Variants in NIBAN1 observed in about 807,000 individuals in gnomAD.
The protein encoded by NIBAN1 is niban apoptosis regulator 1.
NIBAN1 carries 81 observed loss-of-function variants against 75.1 expected under a neutral mutation model. That is an observed-to-expected ratio of 1.08 (90% CI 0.90 to 1.30). NIBAN1 has a LOEUF of 1.30. NIBAN1 is among the 50% of genes most tolerant of loss of function. The probability of loss-of-function intolerance (pLI) is 0.00; values close to 1 mark genes in which losing one functional copy is unlikely to be tolerated. For missense variants in NIBAN1, 1,133 were observed against 1,128.1 expected, an observed-to-expected ratio of 1.00 and a Z score of -0.06; for synonymous variants, 436 against 424.8, an observed-to-expected ratio of 1.03 and a Z score of -0.32.
rs76293029 is a variant in NIBAN1 at position 184,855,285 on chromosome 1, G to A, written c.602-23323C>T. Among the ~76,000 whole-genome samples, 578 of 152,226 alleles carry A rather than the reference G, an allele frequency of 3.8e-3. 5 individuals are homozygous for A. The highest frequency in any genetic ancestry group is 6.8e-3 in the Middle Eastern group (2 of 294). ...TGTTTATTAAATAGTGTGGGTTTAC[G>A]TTACAATCAAGAACATTTCTACAGG... On this transcript the variant is annotated intron_variant, in intron 5 of 13. Coordinates refer to ENST00000367511, the MANE Select transcript of NIBAN1 (RefSeq NM_052966.4).
chr1:184,826,764 A>C (rs537302802), intron 6 of NIBAN1, among the ~76,000 whole-genome samples: 1 of 152,218 alleles, frequency 6.6e-6, no homozygotes. Context: ...TTTCCCACAC[A>C]ATGTTCCAAG....
At chr1:184,857,285 T>C (rs1282929366) in intron 5 of NIBAN1, among the ~76,000 whole-genome samples, 1 of 152,198 alleles carries the variant, frequency 6.6e-6, no homozygotes, top group Middle Eastern at 3.2e-3. Context: ...TGGTGAGTTC[T>C]CTAGCTTCCA....
intron 1 of NIBAN1, among the ~76,000 whole-genome samples, chr1:184,968,674 T>C (rs1255715751): frequency 6.6e-6 from 1 of 152,220 alleles, no homozygotes; most frequent in Admixed American, 6.5e-5. Flanking sequence ...AGGCAGCATT[T>C]AGTATACTGG....
chr1:184,795,836 G>T lies in NIBAN1; in HGVS notation c.1928C>A (p.Pro643His). ...SLAKGESLSLPGPSPPPDGTE... is the reference protein window; with the variant it reads ...SLAKGESLSLHGPSPPPDGTE... ...CCCATCTGGGGGTGGGCTTGGCCCAGGGAGAGAAAGGCTTTCTCCTTTGGC... is the reference window on the plus strand; with the variant it reads ...CCCATCTGGGGGTGGGCTTGGCCCATGGAGAGAAAGGCTTTCTCCTTTGGC... The change falls in exon 14 of 14, where the codon CCT becomes CAT. Residue 643 changes from proline (P) to histidine (H), a missense_variant. Transcript: ENST00000367511. 1 of 1,609,722 alleles carries T rather than the reference G, an allele frequency of 6.2e-7. No individual in the cohort carries two copies. The highest frequency in any genetic ancestry group is 8.5e-7 in the Non-Finnish European group (1 of 1,177,494).
intron 9 of NIBAN1, among the ~76,000 whole-genome samples, chr1:184,814,739 CT>C (rs1191066694): frequency 6.6e-6 from 1 of 152,190 alleles, no homozygotes; most frequent in South Asian, 2.1e-4. Flanking sequence ...TCAGCCAATA[CT>C]GAAATTGTTT....
chr1:184,808,154 G>T lies in NIBAN1; in HGVS notation c.1255C>A (p.Arg419Ser). 6.2e-7 allele frequency: 1 copy of T among 1,614,004 alleles called. No individual in the cohort carries two copies. Among genetic ancestry groups the T allele is most frequent in the South Asian group, 1.1e-5 (1 of 91,070 alleles). ...CYTKVNLLHE[R>S]LQDLKSRFRF... ...AAGCGGCTCTTGAGATCCTGCAGGC[G>T]CTCGTGAAGCAGGTTGACTTTAGTA... Residue 419 changes from arginine to serine, a missense_variant, in exon 10 of 14, where the codon CGC becomes AGC. By Grantham distance (110) the Arg-to-Ser change is moderately radical. Coordinates refer to ENST00000367511, the MANE Select transcript of NIBAN1 (RefSeq NM_052966.4).
At chr1:184,835,254 T>C (rs932106761) in intron 5 of NIBAN1, among the ~76,000 whole-genome samples, 1 of 152,232 alleles carries the variant, frequency 6.6e-6, no homozygotes, top group Non-Finnish European at 1.5e-5. Context: ...ACCCTTGTAG[T>C]ATAGTTTGAA....
At chr1:184,881,969 G>A (rs1656390875) in intron 5 of NIBAN1, among the ~76,000 whole-genome samples, 1 of 152,140 alleles carries the variant, frequency 6.6e-6, no homozygotes, top group Non-Finnish European at 1.5e-5. Context: ...GTAAGTTTCA[G>A]CCTCATTTCC....
chr1:184,915,391 G>A (rs1657358183), intron 1 of NIBAN1, among the ~76,000 whole-genome samples: 1 of 152,216 alleles, frequency 6.6e-6, no homozygotes, highest in African/African-American at 2.4e-5. Context: ...AATCGCAGAG[G>A]GAGAAGGCTC....
At chr1:184,860,794 A>T (rs889414208) in intron 5 of NIBAN1, among the ~76,000 whole-genome samples, 2 of 152,208 alleles carry the variant, frequency 1.3e-5, no homozygotes, top group African/African-American at 4.8e-5. Context: ...GCTTACAAAC[A>T]CCACACCATA....
intron 1 of NIBAN1, among the ~76,000 whole-genome samples, chr1:184,962,988 G>T (rs2102082744): frequency 6.6e-6 from 1 of 151,936 alleles, no homozygotes; most frequent in Middle Eastern, 3.4e-3. Flanking sequence ...TGACATATTA[G>T]AATATCACCA....
At chr1:184,928,686 G>A (rs947944595) in intron 1 of NIBAN1, among the ~76,000 whole-genome samples, 5 of 152,106 alleles carry the variant, frequency 3.3e-5, no homozygotes, top group African/African-American at 9.7e-5. Context: ...TGTGCCATGC[G>A]ACCACTGCCA....
Position 184,793,148 on chromosome 1 carries a change from A to C in NIBAN1, c.*1829T>G, listed in dbSNP as rs1443112997. 2 of 152,194 alleles carry C rather than the reference A, an allele frequency of 1.3e-5. No homozygotes were observed. The highest frequency in any genetic ancestry group is 2.4e-5 in the African/African-American group (1 of 41,426). 9.4% of individuals were successfully genotyped at this position (152,194 alleles called of 1,614,324 possible). ...GGAGGGCTGAAAAGGGTGATATTTT[A>C]ATTTCTGGTTAAATGGTTGAACTGT... On this transcript the variant is annotated 3_prime_UTR_variant, in exon 14 of 14. Coordinates refer to ENST00000367511, the MANE Select transcript of NIBAN1 (RefSeq NM_052966.4).
At chr1:184,938,018 C>T (rs1658005020) in intron 1 of NIBAN1, among the ~76,000 whole-genome samples, 1 of 151,994 alleles carries the variant, frequency 6.6e-6, no homozygotes, top group Admixed American at 6.6e-5. Flanking sequence ...GCTAAGGAGG[C>T]AAAGGATGAG....
intron 3 of NIBAN1, among the ~76,000 whole-genome samples, chr1:184,891,869 T>G (rs1267155094): frequency 6.6e-6 from 1 of 152,140 alleles, no homozygotes; most frequent in East Asian, 1.9e-4. Flanking sequence ...TTCAAGAAAT[T>G]ATGACAAACT....
chr1:184,955,048 T>C (rs1051094316), intron 1 of NIBAN1, among the ~76,000 whole-genome samples: 8 of 152,194 alleles, frequency 5.3e-5, no homozygotes, highest in African/African-American at 1.9e-4. Flanking sequence ...AGTTTTAATA[T>C]ATGTTATTTA....
At chr1:184,815,824 C>T (rs1005002252) in intron 9 of NIBAN1, among the ~76,000 whole-genome samples, 1 of 152,206 alleles carries the variant, frequency 6.6e-6, no homozygotes, top group Admixed American at 6.5e-5. Flanking sequence ...GAGGCCTTCA[C>T]TCTTCTAGAA....
At chr1:184,859,668 G>C (rs976425845) in intron 5 of NIBAN1, among the ~76,000 whole-genome samples, 2 of 152,064 alleles carry the variant, frequency 1.3e-5, no homozygotes, top group Non-Finnish European at 2.9e-5. Flanking sequence ...CAGGTAACTA[G>C]GCCAGTGCTT....
chr1:184,965,006 T>C (rs1376191000), intron 1 of NIBAN1, among the ~76,000 whole-genome samples: 1 of 152,012 alleles, frequency 6.6e-6, no homozygotes, highest in Non-Finnish European at 1.5e-5. Flanking sequence ...TGCCTCCAGA[T>C]GAAGAACACA....
Sources: gnomAD v4.1 joint callset for allele counts (sites outside exome capture counted in the v4.1 genomes callset) on GRCh38, gnomAD v4.1.1 for gene constraint, MANE v1.5 for transcripts, NCBI Gene and HGNC (gene_info 2026-07-23, HGNC 2026-07-21) for gene names.